The following TMEM255A variants were observed in gnomAD, a reference collection of about 807,000 sequenced individuals.
The protein encoded by TMEM255A is transmembrane protein 255A.
In TMEM255A, 14 loss-of-function variants were observed where a neutral mutation model predicts 23.5. The ratio of observed to expected loss-of-function variants is 0.60; its 90% CI spans 0.39 to 0.93. TMEM255A has a LOEUF of 0.93. TMEM255A is among the 40% of genes least tolerant of loss of function. The pLI is 0.00. For missense variants in TMEM255A, 233 were observed against 261.7 expected (o/e 0.89, Z 0.76); for synonymous variants, 104 against 100.3 (o/e 1.04, Z -0.22).
In TMEM255A at chrX:120,296,880, TA is replaced by T. The variant is rs2057979528; in HGVS notation, c.202-2830del. 3.4e-4 allele frequency among the ~76,000 whole-genome samples: 4 copies of T among 11,699 alleles called. 1 individual carries two copies. Among genetic ancestry groups the T allele is most frequent in the Non-Finnish European group, 4.6e-4 (4 of 8,671 alleles). The allele number at this position is 11,699 out of a possible 115,157, so 10.2% of individuals were successfully genotyped here. A position where few individuals can be genotyped will look rare whatever the true frequency, so the allele number is the denominator to read the frequency against. Reference sequence around the variant, plus strand: ...AATATATAATATATTATATATCATATATATTATATATGATATATATAATATT... The same window carrying T: ...AATATATAATATATTATATATCATATTATTATATATGATATATATAATATT... On this transcript the variant is annotated intron_variant, in intron 2 of 8. Transcript: ENST00000371369.
downstream of TMEM255A, chrX:120,257,653 T>TA (rs1341577228): frequency 8.1e-6 from 1 of 123,299 alleles, no homozygotes; most frequent in Non-Finnish European, 1.9e-5. Context: ...TTAAATTGTA[T>TA]TTTTGCCAGA....
intron 8 of TMEM255A, among the ~76,000 whole-genome samples, chrX:120,263,007 A>G (rs782468689): frequency 9.0e-6 from 1 of 110,812 alleles, no homozygotes; most frequent in African/African-American, 3.3e-5. Flanking sequence ...TTTGAGAAGT[A>G]TGGGGGGAGG....
chrX:120,260,075 A>G lies in TMEM255A; in HGVS notation c.*795T>C. ...TTAAACTCTGAATTACAACCATAAG[A>G]TTTATATCTCCTGTAGCAAATGTAT... On this transcript the variant is annotated 3_prime_UTR_variant, in exon 9 of 9. Transcript: ENST00000371369. 1.4e-6 allele frequency: 1 copy of G among 722,059 alleles called. No homozygotes were observed. 59.5% of individuals were successfully genotyped at this position (722,059 alleles called of 1,213,427 possible).
At chrX:120,305,793 G>A (rs933568978) in intron 1 of TMEM255A, among the ~76,000 whole-genome samples, 8 of 111,203 alleles carry the variant, frequency 7.2e-5, no homozygotes, top group African/African-American at 2.0e-4. Flanking sequence ...TGGCCTTGCA[G>A]TCCACTGCAG....
At chrX:120,271,552 C>G (rs1280096097) in intron 7 of TMEM255A, among the ~76,000 whole-genome samples, 1 of 111,387 alleles carries the variant, frequency 9.0e-6, no homozygotes, top group Non-Finnish European at 1.9e-5. Context: ...AAATTAAGAA[C>G]GCAGAAACAA....
rs1156832753 is a variant in TMEM255A, at chrX:120,259,087, CTG to C, written c.*1781_*1782del. 4.4e-5 allele frequency: 5 copies of C among 112,479 alleles called. No homozygotes were observed. The highest frequency in any genetic ancestry group is 1.3e-4 in the African/African-American group (4 of 30,926). 9.3% of individuals were successfully genotyped at this position (112,479 alleles called of 1,213,427 possible). A position where few individuals can be genotyped will look rare whatever the true frequency, so the allele number is the denominator to read the frequency against. On this transcript the variant is annotated 3_prime_UTR_variant, in exon 9 of 9. Coordinates refer to ENST00000371369, the MANE Select transcript of TMEM255A (RefSeq NM_001104544.3). ...AGAAATGTGATAAATGTAGGATAAA[CTG>C]TGTAATGGTGCCTTAAAAAATTAAA...
intron 1 of TMEM255A, among the ~76,000 whole-genome samples, chrX:120,306,647 T>C (rs782193270): frequency 8.9e-6 from 1 of 112,239 alleles, no homozygotes; most frequent in Non-Finnish European, 1.9e-5. Flanking sequence ...ACATGTAACC[T>C]GACAGACTAA....
At chrX:120,302,787 T>C (rs1335132714) in intron 2 of TMEM255A, among the ~76,000 whole-genome samples, 1 of 110,822 alleles carries the variant, frequency 9.0e-6, no homozygotes, top group Non-Finnish European at 1.9e-5. Context: ...AGGCTGACTG[T>C]GGAATGAAAT....
At chrX:120,262,674 C>T (rs1365722644) in intron 8 of TMEM255A, among the ~76,000 whole-genome samples, 8 of 111,821 alleles carry the variant, frequency 7.2e-5, no homozygotes, top group African/African-American at 2.3e-4. Flanking sequence ...TGTTGCTTTC[C>T]TCAACTAAGA....
chrX:120,298,594 T>C (rs1378333697), intron 2 of TMEM255A, among the ~76,000 whole-genome samples: 9 of 111,143 alleles, frequency 8.1e-5, no homozygotes, highest in Non-Finnish European at 1.5e-4. Flanking sequence ...GGTTGTTAGA[T>C]AATATGTGGT....
chrX:120,285,250 A>G (rs1556021566), intron 5 of TMEM255A, 35 bp from the exon 6 acceptor site: 1 of 1,099,918 alleles, frequency 9.1e-7, no homozygotes, highest in South Asian at 1.8e-5. Flanking sequence ...ATGAGCTGGC[A>G]TTGGATAGGA....
chrX:120,285,366 G>T, intron 5 of TMEM255A, 151 bp from the exon 6 acceptor site: 2 of 624,366 alleles, frequency 3.2e-6, no homozygotes, highest in Non-Finnish European at 5.2e-6. Flanking sequence ...GCTGGATGGG[G>T]AGCTGGCCGA....
At chrX:120,304,533 G>C in intron 1 of TMEM255A, 42 bp from the exon 2 acceptor site, 1 of 1,185,528 alleles carries the variant, frequency 8.4e-7, no homozygotes, top group Non-Finnish European at 1.1e-6. Flanking sequence ...ATTTCAGCTG[G>C]GGAAAGGATT....
intron 8 of TMEM255A, among the ~76,000 whole-genome samples, 192 bp from the exon 9 acceptor site, chrX:120,261,220 A>T (rs1314722160): frequency 2.7e-5 from 3 of 111,891 alleles, no homozygotes; most frequent in African/African-American, 9.8e-5. Context: ...AGCCACCTGC[A>T]GAAATAGGGA....
Position 120,285,185 on chromosome X carries a change from A to C in TMEM255A, c.454T>G (p.Cys152Gly). The change falls in exon 6 of 9, where the codon TGC becomes GGC. Residue 152 changes from cysteine to glycine, a missense_variant. Coordinates refer to ENST00000371369, the MANE Select transcript of TMEM255A (RefSeq NM_001104544.3). ...VNCPHLSREF[C>G]TPRIRGNTCF... ...GTGTTGCCCCGGATGCGAGGTGTGC[A>C]GAATTCACGGCTGAGGTGAGGGCAG... is the stretch of plus-strand genomic sequence containing the variant. 8.3e-7 allele frequency: 1 copy of C among 1,211,684 alleles called. No individual in the cohort carries two copies. Among genetic ancestry groups the C allele is most frequent in the Non-Finnish European group, 1.1e-6 (1 of 895,212 alleles).
chrX:120,261,062 G>C, intron 8 of TMEM255A, 34 bp from the exon 9 acceptor site: 1 of 1,177,960 alleles, frequency 8.5e-7, no homozygotes, highest in South Asian at 1.9e-5. Flanking sequence ...AGTTTAGGCA[G>C]TGAGTTTGCA....
At chrX:120,297,239 C>T (rs1418786371) in intron 2 of TMEM255A, among the ~76,000 whole-genome samples, 1 of 81,963 alleles carries the variant, frequency 1.2e-5, no homozygotes, top group Non-Finnish European at 2.3e-5. Context: ...TCCTTAACCA[C>T]TCTGTGCTTT....
chrX:120,307,413 C>T (rs2058071629), intron 1 of TMEM255A, among the ~76,000 whole-genome samples: 2 of 111,979 alleles, frequency 1.8e-5, no homozygotes, highest in Non-Finnish European at 3.8e-5. Context: ...CCATCTTATT[C>T]TGATTTTGTT....
At chrX:120,297,171 A>AT (rs1348573835) in intron 2 of TMEM255A, among the ~76,000 whole-genome samples, 11 of 61,150 alleles carry the variant, frequency 1.8e-4, no homozygotes, top group Non-Finnish European at 3.1e-4. Context: ...TATATATTAT[A>AT]TATAATATAA....
Sources: gnomAD v4.1 joint callset for allele counts (sites outside exome capture counted in the v4.1 genomes callset) on GRCh38, gnomAD v4.1.1 for gene constraint, MANE v1.5 for transcripts, NCBI Gene and HGNC (gene_info 2026-07-23, HGNC 2026-07-21) for gene names.